Variants in IL31RA observed in about 807,000 individuals in gnomAD.
IL31RA encodes interleukin 31 receptor A.
A neutral mutation model predicts 83.7 loss-of-function variants in IL31RA; 66 were observed. The observed-to-expected ratio is 0.79, with a 90% CI of 0.65 to 0.97. The LOEUF (loss-of-function observed/expected upper bound fraction) is 0.97. Among genes scored for constraint, IL31RA ranks in the 50% least tolerant of loss-of-function variants. The pLI is 0.00. For missense variants in IL31RA, 798 were observed against 919.4 expected (o/e 0.87, Z 1.71); for synonymous variants, 325 against 329.0 (o/e 0.99, Z 0.13).
At position 55,906,159 on chromosome 5, in the gene IL31RA, G is replaced by C. The variant is rs978365401; in HGVS notation, c.1123G>C (p.Val375Leu). Residue 375 changes from valine (V) to leucine (L), a missense_variant, in exon 9 of 15, where the codon GTG becomes CTG. Transcript: ENST00000652347. ...QACVAEDQLV[V>L]KWQSSALDVN... ...CTGCGTTGCTGAGGACCAGCTAGTG[G>C]TGAAGTGGCAAAGCTCTGCTCTAGA... 1.9e-6 allele frequency: 3 copies of C among 1,614,066 alleles called. No homozygotes were observed. Among genetic ancestry groups the C allele is most frequent in the Non-Finnish European group, 2.5e-6 (3 of 1,180,034 alleles).
intron 11 of IL31RA, among the ~76,000 whole-genome samples, chr5:55,909,707 CTTT>C (rs113348837): frequency 7.0e-6 from 1 of 143,362 alleles, no homozygotes; most frequent in Non-Finnish European, 1.5e-5. Context: ...ATTTGTATAT[CTTT>C]TTTTTTTTTT....
intron 4 of IL31RA, among the ~76,000 whole-genome samples, chr5:55,881,321 TAAAG>T (rs1273801657): frequency 6.9e-6 from 1 of 145,210 alleles, no homozygotes; most frequent in African/African-American, 2.6e-5. Flanking sequence ...AAGAAAAAGA[TAAAG>T]AAAAAGAAAA....
Position 55,906,202 on chromosome 5 carries a change from T to G in IL31RA, c.1166T>G (p.Ile389Ser), listed in dbSNP as rs756853103. 2 of 1,614,210 alleles carry G rather than the reference T, an allele frequency of 1.2e-6. No individual in the cohort carries two copies. Among genetic ancestry groups the G allele is most frequent in the Non-Finnish European group, 1.7e-6 (2 of 1,180,038 alleles). ...GCTCTAGACGTGAACACTTGGATGA[T>G]TGAATGGTTTCCGGATGTGGACTCA... ...SSALDVNTWM[I>S]EWFPDVDSEP... The change falls in exon 9 of 15, where the codon ATT (isoleucine) becomes AGT (serine). Residue 389 changes from isoleucine to serine, a missense_variant. Transcript: ENST00000652347.
At chr5:55,893,176 A>T (rs1243998260) in intron 6 of IL31RA, among the ~76,000 whole-genome samples, 2 of 152,262 alleles carry the variant, frequency 1.3e-5, no homozygotes, top group Non-Finnish European at 2.9e-5. Flanking sequence ...ACTACATGAT[A>T]CAGAAATAAT....
chr5:55,878,488 T>C (rs1746997770), intron 4 of IL31RA, among the ~76,000 whole-genome samples: 1 of 152,252 alleles, frequency 6.6e-6, no homozygotes, highest in Non-Finnish European at 1.5e-5. Flanking sequence ...CTTTGCAGAC[T>C]GACTCTGTGC....
chr5:55,864,770 T>C (rs769672512), intron 2 of IL31RA, among the ~76,000 whole-genome samples: 1 of 148,246 alleles, frequency 6.7e-6, no homozygotes, highest in Admixed American at 6.7e-5. Flanking sequence ...ACATACACAC[T>C]ACACACATAC....
At chr5:55,858,965 G>A (rs995398030) in intron 1 of IL31RA, among the ~76,000 whole-genome samples, 6 of 152,220 alleles carry the variant, frequency 3.9e-5, no homozygotes, top group African/African-American at 1.4e-4. Context: ...ATATAGTGGG[G>A]CATGGGGCAC....
intron 8 of IL31RA, among the ~76,000 whole-genome samples, chr5:55,905,104 G>A (rs10071893): frequency 0.061 from 9,258 of 151,278 alleles, 783 homozygotes; most frequent in African/African-American, 0.19. Context: ...GGGAGGCTGA[G>A]GCACAAGAAT....
At chr5:55,873,402 A>G (rs1325556419) in intron 4 of IL31RA, among the ~76,000 whole-genome samples, 2 of 152,094 alleles carry the variant, frequency 1.3e-5, no homozygotes, top group Non-Finnish European at 2.9e-5. Context: ...ACATGTTTCA[A>G]TTCTCTTAGA....
chr5:55,869,346 T>G (rs756456722), intron 3 of IL31RA, among the ~76,000 whole-genome samples: 29 of 152,200 alleles, frequency 1.9e-4, no homozygotes, highest in Non-Finnish European at 8.8e-5. Context: ...CACAGGACAA[T>G]GATTCCCCAA....
At chr5:55,862,218 A>G (rs1745731204) in intron 2 of IL31RA, among the ~76,000 whole-genome samples, 1 of 152,238 alleles carries the variant, frequency 6.6e-6, no homozygotes, top group East Asian at 1.9e-4. Context: ...GATTTATAGA[A>G]AAACTGTGAA....
At chr5:55,841,457 T>C in the IL31RA span, among the ~76,000 whole-genome samples, 1 of 152,196 alleles carries the variant, frequency 6.6e-6, no homozygotes, top group Admixed American at 6.5e-5. Context: ...TTTATTGCAT[T>C]GATATAATAG....
intron 3 of IL31RA, among the ~76,000 whole-genome samples, chr5:55,870,873 G>A (rs1746465193): frequency 6.6e-6 from 1 of 152,184 alleles, no homozygotes; most frequent in Non-Finnish European, 1.5e-5. Flanking sequence ...ATGCCTTCAT[G>A]GAGATAATGA....
rs1448456409 is a variant in IL31RA, at chr5:55,903,336, TC to T, written c.1070-2769del. On this transcript the variant is annotated intron_variant, in intron 8 of 14. Coordinates refer to ENST00000652347, the MANE Select transcript of IL31RA (RefSeq NM_139017.7). The surrounding 1 kb of genome is among the most constrained non-coding windows in gnomAD (Gnocchi z 4.7). ...CTGTCTTCATGCAGATCACAAGAAA[TC>T]AATGGCTTTCACAGTCAAAGCCCCT... 1.3e-5 allele frequency among the ~76,000 whole-genome samples: 2 copies of T among 152,120 alleles called. No homozygotes were observed. The highest frequency in any genetic ancestry group is 2.4e-5 in the African/African-American group (1 of 41,416).
rs143928198 is a variant in IL31RA, at chr5:55,908,057, G to A, written c.1355-208G>A. ...CTATGAGAAAGGACTTTTTCAAGTG[G>A]TCTTGTTGCCACTTCTCTTCTTGCT... is the stretch of plus-strand genomic sequence containing the variant. On this transcript the variant is annotated intron_variant, in intron 10 of 14. Transcript: ENST00000652347. Among the ~76,000 whole-genome samples the A allele has an allele frequency of 5.1e-3, 779 of 152,234 alleles. 10 individuals are homozygous for A. Among genetic ancestry groups the A allele is most frequent in the African/African-American group, 0.018 (754 of 41,540 alleles).
At chr5:55,916,554 G>A (rs920294943) in intron 14 of IL31RA, 90 bp from the exon 15 acceptor site, 1 of 1,072,954 alleles carries the variant, frequency 9.3e-7, no homozygotes, top group Middle Eastern at 2.6e-4. Context: ...TCCAGAGATG[G>A]GCATTTGCTG....
rs1580671829 is a variant in IL31RA at position 55,868,954 on chromosome 5, C to G, written c.272+46C>G. The G allele has an allele frequency of 4.9e-6, 5 of 1,027,608 alleles. No homozygotes were observed. In the East Asian group the frequency reaches 1.2e-4, roughly 24 times the overall value. 63.7% of individuals were successfully genotyped at this position (1,027,608 alleles called of 1,614,324 possible). A position where few individuals can be genotyped will look rare whatever the true frequency, so the allele number is the denominator to read the frequency against. ...TTTATCAGTCAGGGCATGGGGGAGG[C>G]AGAGGCTTCTGATTCATTCATGATT... is the stretch of plus-strand genomic sequence containing the variant. On this transcript the variant is annotated intron_variant, in intron 3 of 14. Transcript: ENST00000652347.
chr5:55,878,565 TA>T (rs1441393992), intron 4 of IL31RA, among the ~76,000 whole-genome samples: 2 of 152,242 alleles, frequency 1.3e-5, no homozygotes. Context: ...GGTGAAAACT[TA>T]AAGTCTTCTC....
At position 55,851,532 on chromosome 5, in the gene IL31RA, A is replaced by G. The variant is rs764490916; in HGVS notation, c.-39A>G. The stretch of plus-strand genomic sequence containing the variant: ...GTGTGTGCAGTATGAAAATTGAGAC[A>G]GGAAGGCAGAGTGTCAGCTTGTTCC... On this transcript the variant is annotated 5_prime_UTR_variant, in exon 1 of 15. Transcript: ENST00000652347. 3.7e-6 allele frequency: 6 copies of G among 1,613,916 alleles called. No homozygotes were observed. Among genetic ancestry groups the G allele is most frequent in the Non-Finnish European group, 5.1e-6 (6 of 1,179,940 alleles).
Sources: gnomAD v4.1 joint callset for allele counts (sites outside exome capture counted in the v4.1 genomes callset) on GRCh38, gnomAD v4.1.1 for gene constraint, Gnocchi (gnomAD v3.1) non-coding constraint, MANE v1.5 for transcripts, NCBI Gene and HGNC (gene_info 2026-07-23, HGNC 2026-07-21) for gene names.